The following RALGPS2 variants were observed in gnomAD, a reference collection of about 807,000 sequenced individuals.
RALGPS2 encodes Ral GEF with PH domain and SH3 binding motif 2.
Under a neutral mutation model 86.8 loss-of-function variants are expected in RALGPS2, and 43 were observed. The observed-to-expected ratio is 0.50, with a 90% confidence interval of 0.39 to 0.64. The LOEUF (loss-of-function observed/expected upper bound fraction) is 0.64. Ranked by LOEUF, RALGPS2 falls within the 30% of genes least tolerant of loss-of-function variation. RALGPS2 has a pLI of 0.00. For missense variants in RALGPS2, 536 were observed against 694.6 expected, an observed-to-expected ratio of 0.77 and a Z score of 2.57; for synonymous variants, 243 against 231.3, an observed-to-expected ratio of 1.05 and a Z score of -0.46.
intron 1 of RALGPS2, among the ~76,000 whole-genome samples, chr1:178,735,148 A>AC (rs1222400153): frequency 6.6e-6 from 1 of 152,198 alleles, no homozygotes; most frequent in Admixed American, 6.5e-5. Context: ...ATAGTATAAC[A>AC]CTGTACAGTA....
chr1:178,731,143 G>A (rs1650322714), intron 1 of RALGPS2, among the ~76,000 whole-genome samples: 1 of 151,974 alleles, frequency 6.6e-6, no homozygotes, highest in Admixed American at 6.6e-5. Context: ...TGTGAGATGT[G>A]TGTATTGCTG....
chr1:178,787,259 C>G (rs1216034339), intron 4 of RALGPS2, among the ~76,000 whole-genome samples: 1 of 152,050 alleles, frequency 6.6e-6, no homozygotes, highest in Non-Finnish European at 1.5e-5. Flanking sequence ...TGAACTGCAA[C>G]AGTTGTATTG....
At chr1:178,855,521 G>A (rs966530731) in intron 8 of RALGPS2, among the ~76,000 whole-genome samples, 3 of 151,864 alleles carry the variant, frequency 2.0e-5, no homozygotes, top group African/African-American at 7.2e-5. Context: ...AAGTAGTACA[G>A]ACTAGTAAAA....
chr1:178,868,427 AT>A (rs1658551925), intron 8 of RALGPS2, among the ~76,000 whole-genome samples: 1 of 151,960 alleles, frequency 6.6e-6, no homozygotes, highest in Admixed American at 6.6e-5. Context: ...TCATAAAATT[AT>A]TTTACTTAAA....
chr1:178,886,801 A>G (rs1659502906), intron 13 of RALGPS2, among the ~76,000 whole-genome samples: 1 of 152,212 alleles, frequency 6.6e-6, no homozygotes, highest in African/African-American at 2.4e-5. Flanking sequence ...GAAAAAAACA[A>G]AAGCCCAGTA....
intron 7 of RALGPS2, among the ~76,000 whole-genome samples, chr1:178,831,073 A>C (rs1313904912): frequency 6.6e-6 from 1 of 152,236 alleles, no homozygotes; most frequent in Non-Finnish European, 1.5e-5. Flanking sequence ...ATGAAATAAA[A>C]GTTAAAATGG....
chr1:178,747,804 T>G, intron 1 of RALGPS2: 1 of 693,014 alleles, frequency 1.4e-6, no homozygotes, highest in Non-Finnish European at 2.6e-6. Flanking sequence ...GCGGAGACGC[T>G]CAGGCCCTGC....
At chr1:178,780,982 G>A (rs1244174211) in intron 2 of RALGPS2, among the ~76,000 whole-genome samples, 1 of 151,062 alleles carries the variant, frequency 6.6e-6, no homozygotes, top group Non-Finnish European at 1.5e-5. Flanking sequence ...TGTTTTCTTT[G>A]TATATTTATA....
intron 19 of RALGPS2, among the ~76,000 whole-genome samples, chr1:178,907,738 G>A (rs1201790812): frequency 6.6e-6 from 1 of 152,158 alleles, no homozygotes; most frequent in Non-Finnish European, 1.5e-5. Context: ...ATTATCAGTA[G>A]GTAATATTGA....
chr1:178,827,281 T>G (rs1655788946), intron 7 of RALGPS2, among the ~76,000 whole-genome samples: 1 of 152,130 alleles, frequency 6.6e-6, no homozygotes, highest in South Asian at 2.1e-4. Context: ...TCAATGACAT[T>G]TATCACAGAA....
chr1:178,848,270 C>G (rs1054754901), intron 8 of RALGPS2, among the ~76,000 whole-genome samples: 2 of 151,988 alleles, frequency 1.3e-5, no homozygotes, highest in African/African-American at 4.8e-5. Context: ...AAGATCATGC[C>G]ACTGCACTCC....
intron 1 of RALGPS2, among the ~76,000 whole-genome samples, chr1:178,766,196 T>C (rs1652498019): frequency 6.6e-6 from 1 of 152,210 alleles, no homozygotes; most frequent in Non-Finnish European, 1.5e-5. Context: ...AACTAATAAA[T>C]GTCCATGAAA....
At chr1:178,737,290 G>A (rs952484398) in intron 1 of RALGPS2, among the ~76,000 whole-genome samples, 1 of 152,192 alleles carries the variant, frequency 6.6e-6, no homozygotes, top group African/African-American at 2.4e-5. Context: ...CTGTCGCCCA[G>A]GCTGAAGTGC....
At chr1:178,815,757 A>T (rs1461457844) in intron 6 of RALGPS2, among the ~76,000 whole-genome samples, 1 of 151,982 alleles carries the variant, frequency 6.6e-6, no homozygotes, top group Non-Finnish European at 1.5e-5. Context: ...TTCCCAAACA[A>T]CATTTCCTCC....
intron 6 of RALGPS2, among the ~76,000 whole-genome samples, chr1:178,818,678 T>C (rs1337917885): frequency 6.6e-6 from 1 of 152,218 alleles, no homozygotes; most frequent in Non-Finnish European, 1.5e-5. Flanking sequence ...TAGTCTATTA[T>C]ACCAGCCCAC....
intron 8 of RALGPS2, chr1:178,865,185 C>T: frequency 6.2e-7 from 1 of 1,613,046 alleles, no homozygotes; most frequent in Admixed American, 1.7e-5. Flanking sequence ...AAGCACTGTT[C>T]TTCCAACAAA....
At chr1:178,852,587 T>C in intron 8 of RALGPS2, 1 of 1,373,274 alleles carries the variant, frequency 7.3e-7, no homozygotes, top group East Asian at 2.3e-5. Context: ...AAAACTGACC[T>C]TTTTGAAAAG....
intron 16 of RALGPS2, chr1:178,894,308 T>G (rs1056162085): frequency 4.8e-6 from 1 of 207,122 alleles, no homozygotes; most frequent in African/African-American, 2.3e-5. Flanking sequence ...AACTAAGCAC[T>G]TAAGCCCACA....
chr1:178,859,210 C>T (rs1190613645), intron 8 of RALGPS2, among the ~76,000 whole-genome samples: 1 of 151,988 alleles, frequency 6.6e-6, no homozygotes, highest in Non-Finnish European at 1.5e-5. Flanking sequence ...TCCAACAGCA[C>T]CTTGGCTTAA....
Sources: gnomAD v4.1 joint callset for allele counts (sites outside exome capture counted in the v4.1 genomes callset) on GRCh38, gnomAD v4.1.1 for gene constraint, MANE v1.5 for transcripts, NCBI Gene and HGNC (gene_info 2026-07-23, HGNC 2026-07-21) for gene names.